The following LARGE1 variants were observed in gnomAD, a reference collection of about 807,000 sequenced individuals.
The protein encoded by LARGE1 is LARGE xylosyl- and glucuronyltransferase 1.
Under a neutral mutation model 87.6 loss-of-function variants are expected in LARGE1, and 43 were observed. The observed-to-expected ratio is 0.49, with a 90% confidence interval of 0.38 to 0.63. The LOEUF (loss-of-function observed/expected upper bound fraction) is 0.63. LARGE1 is among the 30% of genes least tolerant of loss of function. LARGE1 has a pLI of 0.00. For synonymous variants in LARGE1, 434 were observed against 394.6 expected, an observed-to-expected ratio of 1.10 and a Z score of -1.18; for missense variants, 802 against 1,000.2, an observed-to-expected ratio of 0.80 and a Z score of 2.67.
rs541587416 is a variant in LARGE1 at position 33,872,193 on chromosome 22, C to T, written c.-83+47802G>A. ...CGCTGTCTTGACTGCCATGTGGCGG[C>T]GTGGCTTAGCAGTAAGAATGCAGAC... On this transcript the variant is annotated intron_variant, in intron 1 of 14. Transcript: ENST00000397394. Among the ~76,000 whole-genome samples, 8 of 151,844 alleles carry T rather than the reference C, an allele frequency of 5.3e-5. No individual in the cohort carries two copies. In the East Asian group the frequency reaches 1.4e-3, roughly 26 times the overall value.
intron 2 of LARGE1, among the ~76,000 whole-genome samples, chr22:33,652,623 T>A (rs2080854026): frequency 6.6e-6 from 1 of 152,164 alleles, no homozygotes. Context: ...CAAAAAAACA[T>A]TCCTCTTTTT....
At chr22:33,575,355 G>A (rs746639039) in intron 5 of LARGE1, among the ~76,000 whole-genome samples, 5 of 152,162 alleles carry the variant, frequency 3.3e-5, no homozygotes, top group Non-Finnish European at 7.3e-5. Flanking sequence ...AGGAAGTGTT[G>A]ATGTAAGATC....
intron 2 of LARGE1, among the ~76,000 whole-genome samples, chr22:33,747,412 C>T (rs953014294): frequency 1.3e-5 from 2 of 152,022 alleles, no homozygotes; most frequent in African/African-American, 4.8e-5. Context: ...ACAAAAGCAC[C>T]AAGCACTCTC....
intron 7 of LARGE1, among the ~76,000 whole-genome samples, chr22:33,429,079 A>G (rs1235190381): frequency 6.6e-6 from 1 of 151,980 alleles, no homozygotes; most frequent in Non-Finnish European, 1.5e-5. Context: ...AGCTGAAGGC[A>G]TAAGACAGGA....
chr22:33,156,303 G>A, the LARGE1 span, among the ~76,000 whole-genome samples: 1 of 152,132 alleles, frequency 6.6e-6, no homozygotes, highest in African/African-American at 2.4e-5. Flanking sequence ...CTCAACACCA[G>A]CCCATGAAAG....
At chr22:33,150,866 A>G in the LARGE1 span, among the ~76,000 whole-genome samples, 1 of 152,172 alleles carries the variant, frequency 6.6e-6, no homozygotes, top group African/African-American at 2.4e-5. Context: ...TAGTAAGTTT[A>G]TAAATCCTGT....
intron 11 of LARGE1, among the ~76,000 whole-genome samples, chr22:33,183,240 C>A (rs1923268449): frequency 6.6e-6 from 1 of 152,040 alleles, no homozygotes; most frequent in African/African-American, 2.4e-5. Context: ...ATCAACATCA[C>A]TGATAATCAG....
chr22:33,857,034 G>A (rs1369616928), intron 1 of LARGE1, among the ~76,000 whole-genome samples: 1 of 152,178 alleles, frequency 6.6e-6, no homozygotes, highest in Non-Finnish European at 1.5e-5. Flanking sequence ...GGATTCAAGT[G>A]ATTCTTGTAC....
chr22:33,835,570 C>T (rs1395713063), intron 1 of LARGE1, among the ~76,000 whole-genome samples: 1 of 152,190 alleles, frequency 6.6e-6, no homozygotes, highest in Non-Finnish European at 1.5e-5. Context: ...GAGAGCCTGG[C>T]AATATCCTCA....
chr22:33,390,986 C>T (rs2065498981), intron 7 of LARGE1, among the ~76,000 whole-genome samples: 2 of 152,164 alleles, frequency 1.3e-5, no homozygotes, highest in Admixed American at 1.3e-4. Context: ...TGTAAACCAC[C>T]ACACCCAGCT....
At position 33,273,793 on chromosome 22, in the gene LARGE1, TAAAC is replaced by T. The variant is rs112599126; in HGVS notation, c.*630_*633del. The T allele has an allele frequency of 5.0e-6, 2 of 397,926 alleles. No individual in the cohort carries two copies. The highest frequency in any genetic ancestry group is 4.4e-5 in the Admixed American group (1 of 22,904). 24.6% of individuals were successfully genotyped at this position (397,926 alleles called of 1,614,324 possible). On this transcript the variant is annotated 3_prime_UTR_variant, in exon 15 of 15. Coordinates refer to ENST00000397394, the MANE Select transcript of LARGE1 (RefSeq NM_133642.5). ...TATTTTGGATTGCCAGCCCCAAAAATAAACAAAACCCCCAAAGAAAAACAAAACA... is the reference window on the plus strand; with the variant it reads ...TATTTTGGATTGCCAGCCCCAAAAATAAAACCCCCAAAGAAAAACAAAACA...
At chr22:33,318,687 T>C (rs141393002) in intron 10 of LARGE1, among the ~76,000 whole-genome samples, 5,600 of 152,132 alleles carry the variant, frequency 0.037, 304 homozygotes, top group African/African-American at 0.13. Flanking sequence ...ACATGGCACA[T>C]GTATACATAT....
intron 2 of LARGE1, among the ~76,000 whole-genome samples, chr22:33,743,715 G>A (rs1391586767): frequency 1.3e-5 from 2 of 152,192 alleles, no homozygotes; most frequent in South Asian, 2.1e-4. Flanking sequence ...GGTAGTCAGG[G>A]CAGATATCAC....
At chr22:33,614,492 A>G (rs1463085970) in intron 4 of LARGE1, among the ~76,000 whole-genome samples, 3 of 152,048 alleles carry the variant, frequency 2.0e-5, no homozygotes, top group Non-Finnish European at 4.4e-5. Flanking sequence ...TGGAGCAAAA[A>G]AGACCTTCAA....
chr22:33,398,096 T>C (rs1307216591), intron 7 of LARGE1, among the ~76,000 whole-genome samples: 1 of 152,134 alleles, frequency 6.6e-6, no homozygotes, highest in East Asian at 1.9e-4. Flanking sequence ...AGCGAATTTC[T>C]GGCTTTGTGT....
chr22:33,230,442 C>A lies in LARGE1; in HGVS notation c.1731-63610G>T, dbSNP rs1925953089. Among the ~76,000 whole-genome samples the A allele has an allele frequency of 2.0e-5, 3 of 152,024 alleles. No individual in the cohort carries two copies. In the South Asian group the frequency reaches 6.2e-4, roughly 32 times the overall value. On this transcript the variant is annotated intron_variant, in intron 11 of 11. Transcript: ENST00000608642. ...AGAGTGATTATTTCTAAGTCTTGCC[C>A]TCACAGAGCAGGAGATTAGAAGGAC...
chr22:33,255,202 C>T (rs1310502214), intron 11 of LARGE1, among the ~76,000 whole-genome samples: 11 of 152,216 alleles, frequency 7.2e-5, no homozygotes, highest in East Asian at 1.9e-4. Flanking sequence ...CCTCCCAAAG[C>T]GCTGGGAATA....
chr22:33,730,999 ATTTTTTTT>A (rs376692050), intron 2 of LARGE1, among the ~76,000 whole-genome samples: 34 of 115,950 alleles, frequency 2.9e-4, no homozygotes, highest in African/African-American at 1.0e-3. Flanking sequence ...CCAGCCTGCA[ATTTTTTTT>A]TTTTTTTTTT....
In LARGE1 at chr22:33,789,607, G is replaced by T. The variant is rs1397028294; in HGVS notation, c.-82-28049C>A. Among the ~76,000 whole-genome samples the T allele has an allele frequency of 2.0e-5, 3 of 152,206 alleles. No individual in the cohort carries two copies. In the East Asian group the frequency reaches 5.8e-4, roughly 29 times the overall value. Reference sequence around the variant, plus strand: ...CAGGATGGGGGCTGTACCCTGCAAAGTCACAGGGGTAGAGCTACCCAACTC... The same window carrying T: ...CAGGATGGGGGCTGTACCCTGCAAATTCACAGGGGTAGAGCTACCCAACTC... On this transcript the variant is annotated intron_variant, in intron 1 of 14. Coordinates refer to ENST00000397394, the MANE Select transcript of LARGE1 (RefSeq NM_133642.5).
Sources: gnomAD v4.1 joint callset for allele counts (sites outside exome capture counted in the v4.1 genomes callset) on GRCh38, gnomAD v4.1.1 for gene constraint, MANE v1.5 for transcripts, NCBI Gene and HGNC (gene_info 2026-07-23, HGNC 2026-07-21) for gene names.